DLGAP1: variants seen among roughly 807,000 people sequenced by gnomAD.
The protein encoded by DLGAP1 is DLG associated protein 1, also known as disks large-associated protein 1.
A neutral mutation model predicts 90.8 loss-of-function variants in DLGAP1; 11 were observed. The ratio of observed to expected loss-of-function variants is 0.12; its 90% confidence interval spans 0.08 to 0.20. The LOEUF is 0.20. Ranked by LOEUF, DLGAP1 falls within the 10% of genes least tolerant of loss-of-function variation. DLGAP1 has a pLI of 1.00. For missense variants in DLGAP1, 1,050 were observed against 1,333.8 expected, an observed-to-expected ratio of 0.79 and a Z score of 3.31; for synonymous variants, 558 against 540.7, an observed-to-expected ratio of 1.03 and a Z score of -0.44.
At chr18:4,438,710 G>A (rs1354198918) in intron 1 of DLGAP1, among the ~76,000 whole-genome samples, 3 of 151,928 alleles carry the variant, frequency 2.0e-5, no homozygotes, top group Non-Finnish European at 4.4e-5. Flanking sequence ...TCCTTGACAG[G>A]CATCCTAGCA....
intron 3 of DLGAP1, among the ~76,000 whole-genome samples, chr18:3,883,148 G>A (rs1423761664): frequency 6.6e-6 from 1 of 152,224 alleles, no homozygotes; most frequent in Non-Finnish European, 1.5e-5. Flanking sequence ...GGAGGCTGAG[G>A]CAGGAGAATT....
chr18:4,334,412 G>A (rs1450543604), intron 1 of DLGAP1, among the ~76,000 whole-genome samples: 1 of 151,814 alleles, frequency 6.6e-6, no homozygotes, highest in Non-Finnish European at 1.5e-5. Flanking sequence ...TGGGCAACAT[G>A]AAATCTGTAA....
chr18:4,449,142 G>T (rs1307227279), intron 1 of DLGAP1, among the ~76,000 whole-genome samples: 1 of 152,206 alleles, frequency 6.6e-6, no homozygotes, highest in Non-Finnish European at 1.5e-5. Context: ...AATGTAAGAG[G>T]TGAGGGGTAG....
At chr18:3,665,382 T>A (rs908762037) in intron 7 of DLGAP1, among the ~76,000 whole-genome samples, 1 of 152,076 alleles carries the variant, frequency 6.6e-6, no homozygotes, top group Non-Finnish European at 1.5e-5. Flanking sequence ...TCTTAATACC[T>A]AATCTGAATT....
chr18:3,818,746 C>T (rs1378236444), intron 4 of DLGAP1, among the ~76,000 whole-genome samples: 3 of 151,714 alleles, frequency 2.0e-5, no homozygotes, highest in Non-Finnish European at 4.4e-5. Context: ...CAGATGCCCG[C>T]CACCATGCCT....
intron 8 of DLGAP1, among the ~76,000 whole-genome samples, chr18:3,570,516 T>C (rs2054712965): frequency 6.6e-6 from 1 of 151,958 alleles, no homozygotes. Flanking sequence ...CAACCTCAGC[T>C]GATCTGCCCG....
chr18:3,908,650 G>A (rs1360118508), intron 3 of DLGAP1, among the ~76,000 whole-genome samples: 1 of 152,166 alleles, frequency 6.6e-6, no homozygotes, highest in Non-Finnish European at 1.5e-5. Flanking sequence ...CTTAAGAAGA[G>A]TGAAATAAAC....
rs2056244034 is a variant in DLGAP1 at position 3,591,492 on chromosome 18, C to T, written c.1592-9244G>A. 2.0e-5 allele frequency among the ~76,000 whole-genome samples: 3 copies of T among 151,748 alleles called. No individual in the cohort carries two copies. The South Asian group carries it at 6.2e-4, about 32-fold the overall frequency. On this transcript the variant is annotated intron_variant, in intron 7 of 12. Coordinates refer to ENST00000315677, the MANE Select transcript of DLGAP1 (RefSeq NM_004746.4). ...CTCTTTGAGCTCAGGAGTCTGAGAC[C>T]AGCTAGAGCAACATGGTGAAACCCA...
At chr18:4,390,917 C>A (rs531025446) in intron 1 of DLGAP1, among the ~76,000 whole-genome samples, 74 of 152,292 alleles carry the variant, frequency 4.9e-4, no homozygotes, top group African/African-American at 1.7e-3. Context: ...AAGTGCTCCT[C>A]TTGGGCCTGC....
intron 8 of DLGAP1, among the ~76,000 whole-genome samples, chr18:3,574,677 A>C (rs974582157): frequency 3.9e-5 from 6 of 152,216 alleles, no homozygotes; most frequent in African/African-American, 7.2e-5. Flanking sequence ...GACTTCGAGG[A>C]CATCAAAATA....
rs749447159 is a variant in DLGAP1 at position 3,729,568 on chromosome 18, C to T, written c.1351-193G>A. ...GCTTATAATTCCAAACAATAGATTA[C>T]TTTTTTTTTCTTGTATTTTTAGTAG... On this transcript the variant is annotated intron_variant, in intron 6 of 12. Transcript: ENST00000315677. This position sits in a 1 kb window ranked among gnomAD's most constrained non-coding sequence, Gnocchi z 6.2. Among the ~76,000 whole-genome samples, 39 of 151,738 alleles carry T rather than the reference C, an allele frequency of 2.6e-4. No homozygotes were observed. Among genetic ancestry groups the T allele is most frequent in the Non-Finnish European group, 4.7e-4 (32 of 67,894 alleles).
At chr18:4,255,398 C>G (rs1179496626) in intron 1 of DLGAP1, among the ~76,000 whole-genome samples, 1 of 151,712 alleles carries the variant, frequency 6.6e-6, no homozygotes, top group East Asian at 1.9e-4. Flanking sequence ...TTTCGACTTT[C>G]TTTTAAACTG....
intron 4 of DLGAP1, among the ~76,000 whole-genome samples, chr18:3,827,704 CAGAG>C (rs1392606737): frequency 2.6e-5 from 4 of 152,182 alleles, no homozygotes; most frequent in African/African-American, 4.8e-5. Flanking sequence ...AAGTGAAAGA[CAGAG>C]AGAAATACTT....
chr18:4,023,996 A>T (rs1415065326), intron 2 of DLGAP1, among the ~76,000 whole-genome samples: 3 of 151,752 alleles, frequency 2.0e-5, no homozygotes, highest in African/African-American at 7.3e-5. Context: ...CCCCTCTCTC[A>T]TTGGCATTTA....
chr18:4,080,080 C>T (rs373102974), intron 2 of DLGAP1, among the ~76,000 whole-genome samples: 283 of 152,178 alleles, frequency 1.9e-3, no homozygotes, highest in African/African-American at 6.2e-3. Flanking sequence ...AGCTTGATGA[C>T]GTCTAGTGAA....
Position 3,879,393 on chromosome 18 carries a change from T to A in DLGAP1, c.676A>T (p.Arg226Trp). 1 of 1,613,152 alleles carries A rather than the reference T, an allele frequency of 6.2e-7. No individual in the cohort carries two copies. Among genetic ancestry groups the A allele is most frequent in the Non-Finnish European group, 8.5e-7 (1 of 1,179,964 alleles). ...TGTGAGGCCGAGCGGTCGGGGCACC[T>A]GCCCATGGTCATCACGCCCGAGGGG... ...HAPSGVMTMG[R>W]CPDRSASQYF... Residue 226 changes from arginine (R) to tryptophan (W), a missense_variant, in exon 4 of 13, where the codon AGG becomes TGG. Transcript: ENST00000315677. This position sits in a 1 kb window ranked among gnomAD's most constrained non-coding sequence, Gnocchi z 6.6.
intron 2 of DLGAP1, among the ~76,000 whole-genome samples, chr18:4,020,931 GA>G (rs1172476625): frequency 6.6e-6 from 1 of 152,022 alleles, no homozygotes; most frequent in African/African-American, 2.4e-5. Context: ...TGTTCTGATG[GA>G]CCAGCTGACA....
At chr18:3,992,177 T>G (rs949817036) in intron 3 of DLGAP1, among the ~76,000 whole-genome samples, 7 of 152,188 alleles carry the variant, frequency 4.6e-5, no homozygotes, top group African/African-American at 1.7e-4. Flanking sequence ...CTCATATTGG[T>G]CCCCTATTTT....
At chr18:4,034,144 C>T (rs370381110) in intron 2 of DLGAP1, among the ~76,000 whole-genome samples, 15 of 145,202 alleles carry the variant, frequency 1.0e-4, no homozygotes, top group African/African-American at 2.5e-4. Context: ...TGGGTTCAAG[C>T]GATTCTCCTG....
Sources: allele counts gnomAD v4.1 joint callset (sites outside exome capture counted in the v4.1 genomes callset), GRCh38; gene constraint gnomAD v4.1.1; non-coding constraint Gnocchi (gnomAD v3.1); transcripts MANE v1.5; gene names NCBI Gene and HGNC (gene_info 2026-07-23, HGNC 2026-07-21).